PALS1: variants seen among roughly 807,000 people sequenced by gnomAD.
The protein encoded by PALS1 is protein PALS1.
Under a neutral mutation model 78.9 loss-of-function variants are expected in PALS1, and 31 were observed. That is an observed-to-expected ratio of 0.39 (90% CI 0.30 to 0.53). The LOEUF (loss-of-function observed/expected upper bound fraction) is 0.53, where lower values mean the gene tolerates loss of function less well. PALS1 is among the 20% of genes least tolerant of loss of function. PALS1 has a pLI of 0.67. For synonymous variants in PALS1, 276 were observed against 270.9 expected (o/e 1.02, Z -0.18); for missense variants, 704 against 826.5 (o/e 0.85, Z 1.82).
Position 67,321,091 on chromosome 14 carries a change from C to T in PALS1, c.1572C>T (p.Ala524=), listed in dbSNP as rs189539855. The T allele has an allele frequency of 3.5e-5, 57 of 1,614,040 alleles. No individual in the cohort carries two copies. The East Asian group carries it at 6.2e-4, about 18-fold the overall frequency. Residue 524 remains alanine (A), a synonymous_variant, in exon 13 of 15, where the codon GCC becomes GCT. Coordinates refer to ENST00000261681, the MANE Select transcript of PALS1 (RefSeq NM_022474.4). ...GGAGTAGGCGAGACCAAGAAGTAGC[C>T]GGTAGAGATTACCACTTTGTTTCGC... ...TTRSRRDQEV[A]GRDYHFVSRQ...
chr14:67,266,864 T>A (rs8021992), intron 1 of PALS1, among the ~76,000 whole-genome samples: 1 of 151,724 alleles, frequency 6.6e-6, no homozygotes, highest in Non-Finnish European at 1.5e-5. Flanking sequence ...AATCCCAGCA[T>A]GTTGGGAGGC....
intron 10 of PALS1, among the ~76,000 whole-genome samples, chr14:67,317,145 A>T (rs1199296431): frequency 1.3e-5 from 2 of 152,232 alleles, no homozygotes; most frequent in Admixed American, 1.3e-4. Flanking sequence ...TTATACAAAC[A>T]GTGTAATAAG....
intron 8 of PALS1, among the ~76,000 whole-genome samples, chr14:67,309,753 TTCAGAG>T (rs2085059755): frequency 6.6e-6 from 1 of 152,174 alleles, no homozygotes; most frequent in South Asian, 2.1e-4. Context: ...CTGATTAAAA[TTCAGAG>T]TCTGAGAGTC....
intron 1 of PALS1, among the ~76,000 whole-genome samples, chr14:67,264,024 T>C (rs1290738087): frequency 6.6e-6 from 1 of 152,146 alleles, no homozygotes; most frequent in Non-Finnish European, 1.5e-5. Context: ...CAGGCTCCCA[T>C]GCAAGCACCT....
intron 1 of PALS1, among the ~76,000 whole-genome samples, chr14:67,246,634 C>G (rs893033101): frequency 1.3e-5 from 2 of 150,422 alleles, no homozygotes; most frequent in Admixed American, 6.7e-5. Context: ...AGCCACTGAG[C>G]CTGGCCTACT....
intron 4 of PALS1, among the ~76,000 whole-genome samples, chr14:67,295,593 A>G (rs542628214): frequency 6.6e-5 from 10 of 152,312 alleles, no homozygotes; most frequent in African/African-American, 2.4e-4. Context: ...CAAATGGCCA[A>G]TAGCAATGAA....
chr14:67,242,499 A>T (rs1488471082), intron 1 of PALS1, among the ~76,000 whole-genome samples: 1 of 152,224 alleles, frequency 6.6e-6, no homozygotes, highest in African/African-American at 2.4e-5. Context: ...ATGCTTTTGG[A>T]TTATACCAGA....
At chr14:67,299,419 A>G (rs916574023) in intron 4 of PALS1, among the ~76,000 whole-genome samples, 1 of 152,180 alleles carries the variant, frequency 6.6e-6, no homozygotes, top group African/African-American at 2.4e-5. Flanking sequence ...TTGGTTATCA[A>G]TTTTCTGATT....
intron 9 of PALS1, among the ~76,000 whole-genome samples, chr14:67,315,847 C>T (rs1463736553): frequency 6.6e-6 from 1 of 152,206 alleles, no homozygotes; most frequent in Admixed American, 6.5e-5. Flanking sequence ...ATCCCTTGAA[C>T]CTGGAAGGCG....
chr14:67,316,644 CAG>C (rs1402470726), intron 9 of PALS1, among the ~76,000 whole-genome samples, 186 bp from the exon 10 acceptor site: 1 of 151,918 alleles, frequency 6.6e-6, no homozygotes, highest in Non-Finnish European at 1.5e-5. Flanking sequence ...ATTGATTGAG[CAG>C]AGTTAATATT....
chr14:67,329,835 A>AAAATAAAT (rs199845948), intron 14 of PALS1, among the ~76,000 whole-genome samples: 76 of 96,946 alleles, frequency 7.8e-4, no homozygotes, highest in African/African-American at 1.1e-3. Flanking sequence ...CTTGGTCTCA[A>AAAATAAAT]AAATAAATAA....
At chr14:67,303,657 T>C (rs998677352) in intron 8 of PALS1, 58 bp downstream of exon 8, 3 of 1,139,190 alleles carry the variant, frequency 2.6e-6, no homozygotes, top group Admixed American at 3.4e-5. Context: ...TTACTTCTGT[T>C]ACTGTTTACT....
intron 1 of PALS1, among the ~76,000 whole-genome samples, chr14:67,264,014 C>T (rs1213853108): frequency 1.3e-5 from 2 of 152,168 alleles, no homozygotes; most frequent in African/African-American, 2.4e-5. Flanking sequence ...CCTCCCACCT[C>T]AGGCTCCCAT....
intron 8 of PALS1, among the ~76,000 whole-genome samples, chr14:67,305,666 G>C (rs570972236): frequency 3.7e-4 from 56 of 152,282 alleles, no homozygotes; most frequent in African/African-American, 1.3e-3. Flanking sequence ...TTCATGGATA[G>C]AATTAATCGA....
intron 14 of PALS1, among the ~76,000 whole-genome samples, chr14:67,326,221 ATTTTTTTTTTTTT>A (rs760127048): frequency 0.014 from 175 of 12,874 alleles, no homozygotes; most frequent in African/African-American, 0.047. Context: ...TTTAGGTCTG[ATTTTTTTTTTTTT>A]TTTTTTTTTT....
chr14:67,243,544 G>A (rs1304572750), intron 1 of PALS1, among the ~76,000 whole-genome samples: 2 of 141,282 alleles, frequency 1.4e-5, no homozygotes, highest in Non-Finnish European at 3.0e-5. Flanking sequence ...CCAGGCTGGA[G>A]TGCAGTGGCG....
At position 67,334,627 on chromosome 14, in the gene PALS1, A is replaced by T. The variant is rs1287336363; in HGVS notation, c.*1671A>T. The T allele has an allele frequency of 6.6e-6, 1 of 152,142 alleles. No individual in the cohort carries two copies. Among genetic ancestry groups the T allele is most frequent in the East Asian group, 1.9e-4 (1 of 5,192 alleles). The allele number at this position is 152,142 out of a possible 1,614,324, so 9.4% of individuals were successfully genotyped here. A position where few individuals can be genotyped will look rare whatever the true frequency, so the allele number is the denominator to read the frequency against. On this transcript the variant is annotated 3_prime_UTR_variant, in exon 15 of 15. Coordinates refer to ENST00000261681, the MANE Select transcript of PALS1 (RefSeq NM_022474.4). ...GCATGGCCTATTAAGTTGGCTGGAG[A>T]GTGTTTTATGTGGAAATATTTTCAA...
At chr14:67,281,622 T>G (rs946626844) in intron 3 of PALS1, among the ~76,000 whole-genome samples, 4 of 152,178 alleles carry the variant, frequency 2.6e-5, no homozygotes, top group African/African-American at 7.2e-5. Context: ...TCCCTTAAGA[T>G]TAAAGTATTT....
chr14:67,259,447 C>A (rs1304330262), intron 1 of PALS1, among the ~76,000 whole-genome samples: 2 of 151,830 alleles, frequency 1.3e-5, no homozygotes, highest in Non-Finnish European at 2.9e-5. Flanking sequence ...CCCGTCTCTA[C>A]TAAAAATATA....
Sources: gnomAD v4.1 joint callset for allele counts (sites outside exome capture counted in the v4.1 genomes callset) on GRCh38, gnomAD v4.1.1 for gene constraint, MANE v1.5 for transcripts, NCBI Gene and HGNC (gene_info 2026-07-23, HGNC 2026-07-21) for gene names.